NKAIN3: variants seen among roughly 807,000 people sequenced by gnomAD.
NKAIN3 encodes the protein sodium/potassium transporting ATPase interacting 3.
In NKAIN3, 25 loss-of-function variants were observed where a neutral mutation model predicts 30.2. The ratio of observed to expected loss-of-function variants is 0.83; its 90% CI spans 0.60 to 1.16. NKAIN3 has a LOEUF of 1.16. NKAIN3 is among the 50% of genes most tolerant of loss of function. The pLI is 0.00. For missense variants in NKAIN3, 225 were observed against 254.1 expected (o/e 0.89, Z 0.78); for synonymous variants, 91 against 89.6 (o/e 1.02, Z -0.09).
chr8:62,674,679 A>G (rs1813417009), intron 3 of NKAIN3, among the ~76,000 whole-genome samples: 1 of 152,210 alleles, frequency 6.6e-6, no homozygotes, highest in African/African-American at 2.4e-5. Context: ...GGACATGATC[A>G]GCTAGTACCA....
intron 3 of NKAIN3, among the ~76,000 whole-genome samples, chr8:62,637,988 A>G (rs538181748): frequency 1.3e-5 from 2 of 152,248 alleles, no homozygotes; most frequent in African/African-American, 4.8e-5. Flanking sequence ...TTGATTCACT[A>G]TCTCTGGGGG....
At chr8:62,812,830 C>A (rs1364161005) in intron 4 of NKAIN3, among the ~76,000 whole-genome samples, 1 of 151,788 alleles carries the variant, frequency 6.6e-6, no homozygotes, top group African/African-American at 2.4e-5. Context: ...GTTATTGTTT[C>A]TTAGAGTTTT....
chr8:62,754,520 T>C (rs889649445), intron 4 of NKAIN3, among the ~76,000 whole-genome samples: 1 of 152,200 alleles, frequency 6.6e-6, no homozygotes, highest in Non-Finnish European at 1.5e-5. Flanking sequence ...TCTTGAATCC[T>C]CACTGTCAAT....
At chr8:62,998,910 T>A (rs2130939216) in intron 5 of NKAIN3, among the ~76,000 whole-genome samples, 1 of 152,340 alleles carries the variant, frequency 6.6e-6, no homozygotes, top group East Asian at 1.9e-4. Context: ...GTGTCTTCCA[T>A]TCAAACAGTG....
chr8:62,889,786 G>A (rs184904708), intron 4 of NKAIN3, among the ~76,000 whole-genome samples: 29 of 152,306 alleles, frequency 1.9e-4, no homozygotes, highest in Admixed American at 1.8e-3. Flanking sequence ...GCAACGGCCA[G>A]GATTCGGAGA....
intron 1 of NKAIN3, among the ~76,000 whole-genome samples, chr8:62,379,589 G>C (rs1817204316): frequency 6.6e-6 from 1 of 152,160 alleles, no homozygotes; most frequent in Non-Finnish European, 1.5e-5. Flanking sequence ...CACAAGATCT[G>C]ATGGTTTTAT....
intron 1 of NKAIN3, among the ~76,000 whole-genome samples, chr8:62,290,311 G>A (rs1392219695): frequency 6.6e-6 from 1 of 152,084 alleles, no homozygotes; most frequent in Non-Finnish European, 1.5e-5. Flanking sequence ...GGGCATCCCT[G>A]TCTTGTGCCA....
chr8:62,300,432 G>A (rs1563924953), intron 1 of NKAIN3, among the ~76,000 whole-genome samples: 2 of 151,922 alleles, frequency 1.3e-5, no homozygotes, highest in Admixed American at 6.6e-5. Flanking sequence ...TCTACTCAAA[G>A]GGAAAAACAG....
intron 1 of NKAIN3, among the ~76,000 whole-genome samples, chr8:62,557,466 TA>T (rs879831121): frequency 7.9e-5 from 12 of 151,478 alleles, no homozygotes; most frequent in African/African-American, 1.7e-4. Flanking sequence ...TTTTAGCTCT[TA>T]AAAAAAAATG....
chr8:62,283,361 A>G (rs1813266807), intron 1 of NKAIN3, among the ~76,000 whole-genome samples: 1 of 151,966 alleles, frequency 6.6e-6, no homozygotes. Context: ...GTGGTTGTGG[A>G]GACAGGACTG....
rs1185396294 is a variant in NKAIN3 at position 62,489,482 on chromosome 8, G to T, written c.55-90057G>T. Among the ~76,000 whole-genome samples the T allele has an allele frequency of 2.0e-5, 3 of 152,094 alleles. No homozygotes were observed. The East Asian group carries it at 5.8e-4, about 29-fold the overall frequency. On this transcript the variant is annotated intron_variant, in intron 1 of 6. Coordinates refer to ENST00000623646, the MANE Select transcript of NKAIN3 (RefSeq NM_001304533.3). ...TCTCAGAATGAACGGAAACTCTAAG[G>T]GTCTCTGAAGGTCTTTGCAGTCTTA...
intron 4 of NKAIN3, among the ~76,000 whole-genome samples, chr8:62,784,739 G>A (rs1012509288): frequency 2.0e-5 from 3 of 152,048 alleles, no homozygotes; most frequent in African/African-American, 7.2e-5. Flanking sequence ...AGAGCATGAA[G>A]GAGCACTTCC....
chr8:62,293,237 C>T (rs1342336852), intron 1 of NKAIN3, among the ~76,000 whole-genome samples: 2 of 152,250 alleles, frequency 1.3e-5, no homozygotes, highest in Admixed American at 6.5e-5. Context: ...CTTCTCTCAA[C>T]TTATCAGTCA....
At chr8:62,853,633 T>C (rs867117959) in intron 4 of NKAIN3, among the ~76,000 whole-genome samples, 4 of 152,180 alleles carry the variant, frequency 2.6e-5, no homozygotes. Context: ...TCTATCTATT[T>C]TATTAATTTT....
chr8:62,825,766 T>C (rs1433826888), intron 4 of NKAIN3, among the ~76,000 whole-genome samples: 8 of 152,016 alleles, frequency 5.3e-5, no homozygotes, highest in Non-Finnish European at 1.0e-4. Context: ...GGCTTAGAAA[T>C]TGTATTATAA....
Position 62,945,866 on chromosome 8 carries a change from T to G in NKAIN3, c.533-8036T>G, listed in dbSNP as rs116861286. 1.9e-3 allele frequency among the ~76,000 whole-genome samples: 288 copies of G among 152,308 alleles called. 1 individual carries two copies. Among genetic ancestry groups the G allele is most frequent in the Admixed American group, 3.6e-3 (55 of 15,294 alleles). On this transcript the variant is annotated intron_variant, in intron 5 of 6. Coordinates refer to ENST00000623646, the MANE Select transcript of NKAIN3 (RefSeq NM_001304533.3). ...AAAACAAGTTGCCCTCAAGGACAAT[T>G]GAACTATATCAGTTCTTCACATAAG...
rs183582173 is a variant in NKAIN3 at position 62,900,413 on chromosome 8, T to C, written c.472-18040T>C. Among the ~76,000 whole-genome samples, 14 of 152,322 alleles carry C rather than the reference T, an allele frequency of 9.2e-5. No individual in the cohort carries two copies. The East Asian group carries it at 2.7e-3, about 29-fold the overall frequency. On this transcript the variant is annotated intron_variant, in intron 4 of 6. Transcript: ENST00000623646. ...ATAAAAGACCTTGCCACTACTTTGCTAAGTAAATGCAGCTTTGGATTGTGA... is the reference window on the plus strand; with the variant it reads ...ATAAAAGACCTTGCCACTACTTTGCCAAGTAAATGCAGCTTTGGATTGTGA...
At chr8:62,534,650 C>T (rs929761505) in intron 1 of NKAIN3, among the ~76,000 whole-genome samples, 2 of 152,110 alleles carry the variant, frequency 1.3e-5, no homozygotes, top group Non-Finnish European at 2.9e-5. Context: ...GGCCCCACCC[C>T]CAGACTTTCC....
At chr8:62,881,893 A>G (rs1405481341) in intron 4 of NKAIN3, among the ~76,000 whole-genome samples, 1 of 152,226 alleles carries the variant, frequency 6.6e-6, no homozygotes, top group Non-Finnish European at 1.5e-5. Flanking sequence ...AATCCTCAAC[A>G]CATCCTCACC....
Sources: gnomAD v4.1 joint callset for allele counts (sites outside exome capture counted in the v4.1 genomes callset) on GRCh38, gnomAD v4.1.1 for gene constraint, MANE v1.5 for transcripts, NCBI Gene and HGNC (gene_info 2026-07-23, HGNC 2026-07-21) for gene names.